PLCE1: variants seen among roughly 807,000 people sequenced by gnomAD.
PLCE1 encodes the protein 1-phosphatidylinositol 4,5-bisphosphate phosphodiesterase epsilon-1.
PLCE1 carries 119 observed loss-of-function variants against 242.8 expected under a neutral mutation model. The ratio of observed to expected loss-of-function variants is 0.49; its 90% confidence interval spans 0.42 to 0.57. The LOEUF (loss-of-function observed/expected upper bound fraction) is 0.57. PLCE1 is among the 20% of genes least tolerant of loss of function. The pLI, the probability that PLCE1 is intolerant of heterozygous loss-of-function variation, is 0.00. For missense variants in PLCE1, 2,441 were observed against 2,788.8 expected (o/e 0.88, Z 2.81); for synonymous variants, 945 against 1,017.4 (o/e 0.93, Z 1.35).
At chr10:94,118,158 T>C (rs1371204400) in intron 2 of PLCE1, among the ~76,000 whole-genome samples, 1 of 152,240 alleles carries the variant, frequency 6.6e-6, no homozygotes, top group Non-Finnish European at 1.5e-5. Flanking sequence ...CTTAAGTTTT[T>C]AACCTAAGTT....
At chr10:94,183,933 C>A (rs1371274392) in intron 4 of PLCE1, among the ~76,000 whole-genome samples, 1 of 152,152 alleles carries the variant, frequency 6.6e-6, no homozygotes, top group Non-Finnish European at 1.5e-5. Flanking sequence ...AGGGATCCAC[C>A]CCATGATCCA....
intron 2 of PLCE1, among the ~76,000 whole-genome samples, chr10:94,051,313 G>A (rs201469558): frequency 0.031 from 1,546 of 50,090 alleles, 5 homozygotes; most frequent in African/African-American, 0.061. Flanking sequence ...AAAAAAAAAA[G>A]ACTTTCAGAG....
rs535055842 is a variant in PLCE1, at chr10:94,306,267, G to A, written c.5623-160G>A. ...TTACAGGCATAAGCCACCGCGCCCA[G>A]CCCTACAATCACTTACTTTTTAAAC... On this transcript the variant is annotated intron_variant, in intron 25 of 32. Coordinates refer to ENST00000371380, the MANE Select transcript of PLCE1 (RefSeq NM_016341.4). The surrounding 1 kb of genome is among the most constrained non-coding windows in gnomAD (Gnocchi z 5.7). Among the ~76,000 whole-genome samples the A allele has an allele frequency of 6.6e-6, 1 of 152,306 alleles. No individual in the cohort carries two copies. Among genetic ancestry groups the A allele is most frequent in the African/African-American group, 2.4e-5 (1 of 41,562 alleles).
chr10:94,142,060 G>A (rs1047926007), intron 3 of PLCE1, among the ~76,000 whole-genome samples: 1 of 152,070 alleles, frequency 6.6e-6, no homozygotes, highest in Non-Finnish European at 1.5e-5. Flanking sequence ...TCCAAGAAAG[G>A]CCTTTAAATG....
intron 1 of PLCE1, among the ~76,000 whole-genome samples, chr10:93,996,898 T>A (rs974065631): frequency 1.3e-5 from 2 of 152,224 alleles, no homozygotes; most frequent in Non-Finnish European, 2.9e-5. Context: ...AACATTTTCA[T>A]CATCTCAGAA....
Position 94,258,287 on chromosome 10 carries a change from C to T in PLCE1, c.3555-513C>T, listed in dbSNP as rs184606091. ...GCCCTTTCCATTCTTAACATTTTTCCGGTTCACATTTTTCATTAATATTTA... is the reference window on the plus strand; with the variant it reads ...GCCCTTTCCATTCTTAACATTTTTCTGGTTCACATTTTTCATTAATATTTA... On this transcript the variant is annotated intron_variant, in intron 11 of 32. Transcript: ENST00000371380. Among the ~76,000 whole-genome samples, 580 of 152,176 alleles carry T rather than the reference C, an allele frequency of 3.8e-3. 1 individual carries two copies. Among genetic ancestry groups the T allele is most frequent in the Middle Eastern group, 6.8e-3 (2 of 294 alleles).
At chr10:94,170,594 T>C (rs573186215) in intron 3 of PLCE1, among the ~76,000 whole-genome samples, 1 of 152,354 alleles carries the variant, frequency 6.6e-6, no homozygotes, top group Admixed American at 6.5e-5. Context: ...TGTTTGTAGA[T>C]GGTTCTGTTC....
At chr10:94,324,639 G>A in intron 31 of PLCE1, 72 bp downstream of exon 31, 1 of 1,274,940 alleles carries the variant, frequency 7.8e-7, no homozygotes, top group Non-Finnish European at 1.1e-6. Flanking sequence ...GCCAGATCTG[G>A]AAGCTGGTGA....
chr10:94,291,072 T>C (rs1343468818), intron 22 of PLCE1, among the ~76,000 whole-genome samples: 1 of 152,200 alleles, frequency 6.6e-6, no homozygotes, highest in Non-Finnish European at 1.5e-5. Flanking sequence ...AGGGAGTTGA[T>C]TTCAAAGCTT....
intron 4 of PLCE1, among the ~76,000 whole-genome samples, chr10:94,214,126 T>G (rs1417032778): frequency 6.6e-6 from 1 of 152,214 alleles, no homozygotes; most frequent in East Asian, 1.9e-4. Flanking sequence ...ACAAGTGACA[T>G]GAGTGAGAGG....
At chr10:94,187,146 A>ATGTGTGTGTGTGTGTGTGTG (rs372501153) in intron 4 of PLCE1, among the ~76,000 whole-genome samples, 5 of 145,506 alleles carry the variant, frequency 3.4e-5, no homozygotes, top group East Asian at 4.2e-4. Context: ...TGAAACATAT[A>ATGTGTGTGTGTGTGTGTGTG]TGTGTGTGTG....
chr10:94,151,369 C>A (rs1218250051), intron 3 of PLCE1, among the ~76,000 whole-genome samples: 1 of 152,158 alleles, frequency 6.6e-6, no homozygotes, highest in Non-Finnish European at 1.5e-5. Flanking sequence ...GGGAACAATT[C>A]TCAAGACAAC....
intron 4 of PLCE1, among the ~76,000 whole-genome samples, chr10:94,201,128 A>G (rs572582117): frequency 6.6e-6 from 1 of 152,372 alleles, no homozygotes; most frequent in African/African-American, 2.4e-5. Flanking sequence ...TGACAAATGT[A>G]TCATGCTAAC....
At chr10:94,239,750 AAAAG>A (rs1423532050) in intron 7 of PLCE1, among the ~76,000 whole-genome samples, 2 of 152,216 alleles carry the variant, frequency 1.3e-5, no homozygotes, top group Non-Finnish European at 2.9e-5. Flanking sequence ...GGATAGGAAA[AAAAG>A]AAAGCTAAGC....
chr10:94,182,978 G>T (rs1222144053), intron 4 of PLCE1, among the ~76,000 whole-genome samples: 1 of 152,140 alleles, frequency 6.6e-6, no homozygotes, highest in Non-Finnish European at 1.5e-5. Flanking sequence ...TAATAAACAT[G>T]ACCCAGAGAA....
chr10:94,032,710 A>T (rs985045540), intron 2 of PLCE1, among the ~76,000 whole-genome samples: 32 of 152,114 alleles, frequency 2.1e-4, no homozygotes, highest in Admixed American at 7.2e-4. Flanking sequence ...TCCTTTGGCA[A>T]AGTGATGAAA....
chr10:94,319,004 C>T (rs1252617035), intron 29 of PLCE1, among the ~76,000 whole-genome samples: 6 of 152,148 alleles, frequency 3.9e-5, no homozygotes, highest in Non-Finnish European at 8.8e-5. Flanking sequence ...GCCAAGATTA[C>T]ACCACTGTGT....
intron 17 of PLCE1, among the ~76,000 whole-genome samples, chr10:94,269,459 T>C (rs901068567): frequency 6.6e-6 from 1 of 152,126 alleles, no homozygotes; most frequent in Non-Finnish European, 1.5e-5. Flanking sequence ...ATCAAGGGTC[T>C]TTATGCTGGG....
At chr10:94,036,013 T>C (rs1056238764) in intron 2 of PLCE1, among the ~76,000 whole-genome samples, 2 of 152,196 alleles carry the variant, frequency 1.3e-5, no homozygotes, top group African/African-American at 2.4e-5. Context: ...ATAAGGGCAA[T>C]GTAATGGTTA....
Sources: allele counts gnomAD v4.1 joint callset (sites outside exome capture counted in the v4.1 genomes callset), GRCh38; gene constraint gnomAD v4.1.1; non-coding constraint Gnocchi (gnomAD v3.1); transcripts MANE v1.5; gene names NCBI Gene and HGNC (gene_info 2026-07-23, HGNC 2026-07-21).